Variants in MARCHF1 observed in about 807,000 individuals in gnomAD.
MARCHF1 encodes the protein membrane associated ring-CH-type finger 1.
MARCHF1 carries 40 observed loss-of-function variants against 54.2 expected under a neutral mutation model. That is an observed-to-expected ratio of 0.74 (90% CI 0.57 to 0.96). The LOEUF (loss-of-function observed/expected upper bound fraction) is 0.96. Ranked by LOEUF, MARCHF1 falls within the 40% of genes least tolerant of loss-of-function variation. The probability of loss-of-function intolerance (pLI) is 0.00; values close to 1 mark genes in which losing one functional copy is unlikely to be tolerated. For synonymous variants in MARCHF1, 236 were observed against 236.3 expected, an observed-to-expected ratio of 1.00 and a Z score of 0.01; for missense variants, 586 against 656.5, an observed-to-expected ratio of 0.89 and a Z score of 1.17.
At chr4:163,737,153 CTTTTTTCTTTCTTTTT>C (rs1561049679) in intron 4 of MARCHF1, among the ~76,000 whole-genome samples, 1 of 79,238 alleles carries the variant, frequency 1.3e-5, no homozygotes, top group African/African-American at 4.8e-5. Flanking sequence ...GCGCTCGCAG[CTTTTTTCTTTCTTTTT>C]TTTTTTTTTT....
intron 5 of MARCHF1, among the ~76,000 whole-genome samples, chr4:163,678,061 C>A (rs991772015): frequency 6.6e-6 from 1 of 152,216 alleles, no homozygotes; most frequent in Non-Finnish European, 1.5e-5. Context: ...GTTCTGGACT[C>A]TTCCTTCTTA....
chr4:163,890,298 A>C (rs1010753060), intron 3 of MARCHF1, among the ~76,000 whole-genome samples: 5 of 152,172 alleles, frequency 3.3e-5, no homozygotes, highest in Non-Finnish European at 5.9e-5. Flanking sequence ...TGCCAAAATT[A>C]ATAAGTAAAA....
At chr4:164,110,367 A>G (rs1755808734) in intron 2 of MARCHF1, among the ~76,000 whole-genome samples, 1 of 151,806 alleles carries the variant, frequency 6.6e-6, no homozygotes, top group Non-Finnish European at 1.5e-5. Flanking sequence ...TTCACAATAT[A>G]TGTTAAAATT....
chr4:164,379,616 C>T (rs1231094597), intron 1 of MARCHF1, among the ~76,000 whole-genome samples: 1 of 152,174 alleles, frequency 6.6e-6, no homozygotes, highest in East Asian at 1.9e-4. Context: ...CATAAAATCA[C>T]CCAGAGACAA....
intron 4 of MARCHF1, among the ~76,000 whole-genome samples, chr4:163,774,369 T>C (rs1320423880): frequency 6.6e-6 from 1 of 152,176 alleles, no homozygotes; most frequent in Non-Finnish European, 1.5e-5. Context: ...ATGAAGTGAT[T>C]ATCTTTGGAA....
chr4:163,691,931 C>T (rs1466693883), intron 5 of MARCHF1, among the ~76,000 whole-genome samples: 1 of 152,162 alleles, frequency 6.6e-6, no homozygotes, highest in Non-Finnish European at 1.5e-5. Flanking sequence ...TCTATATACT[C>T]TCCTACCCCA....
intron 3 of MARCHF1, among the ~76,000 whole-genome samples, chr4:163,869,508 C>G (rs1416150554): frequency 6.6e-6 from 1 of 152,020 alleles, no homozygotes; most frequent in Non-Finnish European, 1.5e-5. Flanking sequence ...CCATTAATGT[C>G]TTGCTTTTTT....
At chr4:164,055,297 A>T (rs1754465505) in intron 2 of MARCHF1, 1 of 152,080 alleles carries the variant, frequency 6.6e-6, no homozygotes, top group Admixed American at 6.6e-5. Context: ...TACAAAAATT[A>T]ACTGGGCATG....
intron 5 of MARCHF1, among the ~76,000 whole-genome samples, chr4:163,668,910 C>T (rs1035980655): frequency 3.3e-5 from 5 of 152,044 alleles, no homozygotes; most frequent in Non-Finnish European, 5.9e-5. Context: ...GTGTGTGGGC[C>T]GACCTGAGAT....
intron 3 of MARCHF1, among the ~76,000 whole-genome samples, chr4:163,980,586 C>G (rs944387263): frequency 6.6e-6 from 1 of 152,150 alleles, no homozygotes; most frequent in Non-Finnish European, 1.5e-5. Flanking sequence ...ATGAAGTTCT[C>G]TTATAATTTC....
At chr4:163,877,095 C>T (rs975850990) in intron 3 of MARCHF1, among the ~76,000 whole-genome samples, 1 of 152,044 alleles carries the variant, frequency 6.6e-6, no homozygotes, top group African/African-American at 2.4e-5. Flanking sequence ...TAGCTATTAT[C>T]CACACTTAAG....
rs202242285 is a variant in MARCHF1 at position 164,368,048 on chromosome 4, A to AT, written c.-323+15821_-323+15822insA. Among the ~76,000 whole-genome samples the AT allele has an allele frequency of 6.0e-3, 917 of 151,626 alleles. 7 individuals are homozygous for AT. The highest frequency in any genetic ancestry group is 0.017 in the Middle Eastern group (5 of 288). ...GAATTCAACACAAAAAAAAGATTTAAAAAAAGACAATAAAAGATTAAACCC... is the reference window on the plus strand; with the variant it reads ...GAATTCAACACAAAAAAAAGATTTAATAAAAAGACAATAAAAGATTAAACCC... On this transcript the variant is annotated intron_variant, in intron 1 of 9. Coordinates refer to ENST00000514618, the MANE Select transcript of MARCHF1 (RefSeq NM_001394959.1).
intron 1 of MARCHF1, among the ~76,000 whole-genome samples, chr4:164,215,524 G>T (rs182340065): frequency 1.2e-3 from 177 of 152,260 alleles, no homozygotes; most frequent in African/African-American, 4.0e-3. Flanking sequence ...ACCTAGGTCT[G>T]TGGGCACAGG....
chr4:163,784,598 CCTATGCCATTGATT>C (rs936063637), intron 4 of MARCHF1, among the ~76,000 whole-genome samples: 21 of 152,024 alleles, frequency 1.4e-4, no homozygotes, highest in African/African-American at 5.1e-4. Flanking sequence ...TCTGTTTCTA[CCTATGCCATTGATT>C]CTACCTATGC....
intron 1 of MARCHF1, among the ~76,000 whole-genome samples, chr4:164,295,082 T>A (rs1447338465): frequency 6.6e-6 from 1 of 151,644 alleles, no homozygotes; most frequent in African/African-American, 2.4e-5. Flanking sequence ...GAAATAAATA[T>A]CCAAAGAATT....
intron 7 of MARCHF1, among the ~76,000 whole-genome samples, chr4:163,601,744 T>C (rs927990927): frequency 2.0e-5 from 3 of 152,120 alleles, no homozygotes; most frequent in African/African-American, 7.2e-5. Context: ...GATATTCAAA[T>C]CTACTTTAAT....
At chr4:164,131,501 A>T (rs2110818744) in intron 1 of MARCHF1, among the ~76,000 whole-genome samples, 1 of 152,290 alleles carries the variant, frequency 6.6e-6, no homozygotes, top group African/African-American at 2.4e-5. Context: ...ATTGTAATGC[A>T]CTTCAAGGTA....
At chr4:164,028,074 G>A (rs1044014184) in intron 2 of MARCHF1, among the ~76,000 whole-genome samples, 1 of 152,024 alleles carries the variant, frequency 6.6e-6, no homozygotes, top group Admixed American at 6.6e-5. Flanking sequence ...AAAAATAATA[G>A]ATGCTGAGTA....
chr4:164,205,010 G>T (rs1258970860), intron 1 of MARCHF1, among the ~76,000 whole-genome samples: 1 of 152,104 alleles, frequency 6.6e-6, no homozygotes. Flanking sequence ...TGATCCAAAT[G>T]CAGTGAACAT....
Sources: gnomAD v4.1 joint callset for allele counts (sites outside exome capture counted in the v4.1 genomes callset) on GRCh38, gnomAD v4.1.1 for gene constraint, MANE v1.5 for transcripts, NCBI Gene and HGNC (gene_info 2026-07-23, HGNC 2026-07-21) for gene names.